Variants in SCRG1 observed in about 807,000 individuals in gnomAD.
SCRG1 encodes the protein scrapie-responsive protein 1.
A neutral mutation model predicts 7.7 loss-of-function variants in SCRG1; 3 were observed. The observed-to-expected ratio is 0.39, with a 90% CI of 0.18 to 1.01. The LOEUF is 1.01. Among genes scored for constraint, SCRG1 ranks in the 50% least tolerant of loss-of-function variants. The pLI is 0.36. For missense variants in SCRG1, 110 were observed against 117.2 expected, an observed-to-expected ratio of 0.94 and a Z score of 0.28; for synonymous variants, 46 against 41.2, an observed-to-expected ratio of 1.12 and a Z score of -0.44.
chr4:173,485,056 T>TATATATTATATATTATATA, the SCRG1 span, among the ~76,000 whole-genome samples: 3 of 13,428 alleles, frequency 2.2e-4, no homozygotes, highest in African/African-American at 1.1e-3. Flanking sequence ...TATAATATAT[T>TATATATTATATATTATATA]ATATATTATA....
At chr4:173,476,361 A>ATATATATATATATATAT in the SCRG1 span, among the ~76,000 whole-genome samples, 11 of 51,420 alleles carry the variant, frequency 2.1e-4, no homozygotes, top group African/African-American at 5.3e-4. Context: ...GGGGAAAAAA[A>ATATATATATATATATAT]AAATATATAT....
At chr4:173,481,508 C>A in the SCRG1 span, among the ~76,000 whole-genome samples, 4 of 152,054 alleles carry the variant, frequency 2.6e-5, no homozygotes, top group African/African-American at 9.7e-5. Flanking sequence ...GTTTGAACTG[C>A]GAGGGTCCGC....
chr4:173,432,821 C>T, the SCRG1 span, among the ~76,000 whole-genome samples: 1 of 152,212 alleles, frequency 6.6e-6, no homozygotes, highest in East Asian at 1.9e-4. Flanking sequence ...GGCAGCTGGG[C>T]ATCTCAGAGT....
chr4:173,475,279 G>C, the SCRG1 span, among the ~76,000 whole-genome samples: 1 of 152,224 alleles, frequency 6.6e-6, no homozygotes, highest in Admixed American at 6.5e-5. Flanking sequence ...ATTTGGAATT[G>C]TGTTGTGTGG....
At chr4:173,491,425 C>T in the SCRG1 span, among the ~76,000 whole-genome samples, 2 of 152,110 alleles carry the variant, frequency 1.3e-5, no homozygotes, top group African/African-American at 4.8e-5. Flanking sequence ...TCACAACCAC[C>T]TGCCACAGAG....
chr4:173,466,422 A>G, the SCRG1 span, among the ~76,000 whole-genome samples: 1 of 152,172 alleles, frequency 6.6e-6, no homozygotes, highest in Non-Finnish European at 1.5e-5. Flanking sequence ...ACTGTTCACA[A>G]CACTTTTTCC....
At chr4:173,462,392 G>C in the SCRG1 span, among the ~76,000 whole-genome samples, 2 of 152,190 alleles carry the variant, frequency 1.3e-5, no homozygotes, top group African/African-American at 4.8e-5. Flanking sequence ...AGCCAGGAGA[G>C]AGCAGCATGG....
At chr4:173,420,166 C>A in the SCRG1 span, 2 of 485,262 alleles carry the variant, frequency 4.1e-6, no homozygotes, top group Non-Finnish European at 8.1e-6. Flanking sequence ...ACATCCGTGG[C>A]TCAACAGAGA....
upstream of SCRG1, among the ~76,000 whole-genome samples, chr4:173,410,938 T>C (rs1740022427): frequency 6.6e-6 from 1 of 152,246 alleles, no homozygotes; most frequent in Non-Finnish European, 1.5e-5. Flanking sequence ...GTTGTTTGAC[T>C]GTCTCAGAGT....
the SCRG1 span, among the ~76,000 whole-genome samples, chr4:173,509,690 G>C: frequency 6.6e-6 from 1 of 152,118 alleles, no homozygotes; most frequent in South Asian, 2.1e-4. This position sits in a 1 kb window ranked among gnomAD's most constrained non-coding sequence, Gnocchi z 5.7. Flanking sequence ...CGCGGACTCG[G>C]GGTGTCGGGC....
the SCRG1 span, among the ~76,000 whole-genome samples, chr4:173,466,701 A>G: frequency 6.6e-6 from 1 of 152,216 alleles, no homozygotes; most frequent in Non-Finnish European, 1.5e-5. Context: ...GGATCATCTG[A>G]TAATGACATT....
At chr4:173,457,277 A>C in the SCRG1 span, among the ~76,000 whole-genome samples, 2 of 152,184 alleles carry the variant, frequency 1.3e-5, no homozygotes, top group African/African-American at 2.4e-5. Flanking sequence ...AAAACTCAAC[A>C]AATTCTGAAG....
the SCRG1 span, among the ~76,000 whole-genome samples, chr4:173,442,319 T>C: frequency 6.6e-6 from 1 of 152,236 alleles, no homozygotes; most frequent in Non-Finnish European, 1.5e-5. Context: ...ACCATGTCTC[T>C]GATGTGCCTC....
At chr4:173,512,929 C>T in the SCRG1 span, among the ~76,000 whole-genome samples, 1 of 152,202 alleles carries the variant, frequency 6.6e-6, no homozygotes, top group Non-Finnish European at 1.5e-5. Flanking sequence ...TGCCTGGAGT[C>T]TATCAAGTCT....
the SCRG1 span, among the ~76,000 whole-genome samples, chr4:173,472,403 A>G: frequency 6.6e-6 from 1 of 152,214 alleles, no homozygotes. Context: ...GAACTAATAA[A>G]GTATAGGAAG....
chr4:173,424,577 A>G, the SCRG1 span, among the ~76,000 whole-genome samples: 4 of 152,188 alleles, frequency 2.6e-5, no homozygotes, highest in African/African-American at 4.8e-5. Context: ...GGACCATACT[A>G]TATGCAAGGC....
the SCRG1 span, among the ~76,000 whole-genome samples, chr4:173,429,817 T>C: frequency 6.6e-6 from 1 of 152,180 alleles, no homozygotes; most frequent in African/African-American, 2.4e-5. Context: ...TCCTGACATA[T>C]AATAAGAACA....
chr4:173,498,261 A>G, the SCRG1 span, among the ~76,000 whole-genome samples: 3 of 152,350 alleles, frequency 2.0e-5, no homozygotes, highest in South Asian at 6.2e-4. Flanking sequence ...GCTCCACCCA[A>G]GTGAAATGAT....
chr4:173,446,540 G>C, the SCRG1 span: 1 of 152,108 alleles, frequency 6.6e-6, no homozygotes, highest in East Asian at 1.9e-4. Context: ...AAGCCAGAAG[G>C]TTTCTCAGTT....
Sources: allele counts gnomAD v4.1 joint callset (sites outside exome capture counted in the v4.1 genomes callset), GRCh38; gene constraint gnomAD v4.1.1; non-coding constraint Gnocchi (gnomAD v3.1); transcripts MANE v1.5; gene names NCBI Gene and HGNC (gene_info 2026-07-23, HGNC 2026-07-21).